Variants in NBEA observed in about 807,000 individuals in gnomAD.
NBEA encodes the protein neurobeachin.
NBEA carries 44 observed loss-of-function variants against 343.4 expected under a neutral mutation model. That is an observed-to-expected ratio of 0.13 (90% CI 0.10 to 0.16). The LOEUF (loss-of-function observed/expected upper bound fraction) is 0.16, where lower values mean the gene tolerates loss of function less well. Ranked by LOEUF, NBEA falls within the 10% of genes least tolerant of loss-of-function variation. The pLI, the probability that NBEA is intolerant of heterozygous loss-of-function variation, is 1.00. For synonymous variants in NBEA, 1,175 were observed against 1,238.7 expected (o/e 0.95, Z 1.08); for missense variants, 2,555 against 3,631.3 (o/e 0.70, Z 7.62).
At chr13:35,485,100 T>A (rs1006399688) in intron 41 of NBEA, among the ~76,000 whole-genome samples, 3 of 152,116 alleles carry the variant, frequency 2.0e-5, no homozygotes, top group Admixed American at 1.3e-4. Flanking sequence ...GGAATATTTT[T>A]AAATACATAT....
intron 10 of NBEA, among the ~76,000 whole-genome samples, chr13:35,092,354 A>G (rs768897715): frequency 5.9e-5 from 9 of 151,962 alleles, no homozygotes; most frequent in Non-Finnish European, 1.2e-4. Flanking sequence ...ATAATTCACT[A>G]AAAAAGGGAT....
chr13:35,595,535 A>G (rs192208209), intron 47 of NBEA, among the ~76,000 whole-genome samples: 1 of 152,114 alleles, frequency 6.6e-6, no homozygotes, highest in African/African-American at 2.4e-5. Flanking sequence ...CATATATACA[A>G]TAATTTATAT....
At chr13:34,969,311 GT>G (rs939251795) in intron 1 of NBEA, among the ~76,000 whole-genome samples, 17 of 148,582 alleles carry the variant, frequency 1.1e-4, no homozygotes, top group Non-Finnish European at 2.4e-4. Flanking sequence ...AAATTTTTTG[GT>G]TTTTAAAAAA....
chr13:35,111,039 T>A, intron 13 of NBEA, 61 bp downstream of exon 13: 1 of 1,400,914 alleles, frequency 7.1e-7, no homozygotes, highest in Non-Finnish European at 9.8e-7. Context: ...TTCTGAGTAC[T>A]GTTAAAGTGA....
intron 36 of NBEA, among the ~76,000 whole-genome samples, chr13:35,345,849 A>AT (rs900047250): frequency 6.6e-6 from 1 of 152,098 alleles, no homozygotes; most frequent in African/African-American, 2.4e-5. Context: ...ACTTATGGCC[A>AT]TTGGATTTAT....
rs78607126 is a variant in NBEA, at chr13:35,572,273, G to C, written c.7035+5256G>C. Among the ~76,000 whole-genome samples, 747 of 152,166 alleles carry C rather than the reference G, an allele frequency of 4.9e-3. 8 individuals carry two copies. Among genetic ancestry groups the C allele is most frequent in the African/African-American group, 0.017 (709 of 41,522 alleles). On this transcript the variant is annotated intron_variant, in intron 45 of 58. Coordinates refer to ENST00000379939, the MANE Select transcript of NBEA (RefSeq NM_001385012.1). The stretch of plus-strand genomic sequence containing the variant: ...ATGAACTCGACTCTTAAATTACAGT[G>C]GTTACATGACTTTGATGTGAAGCAC...
At chr13:34,975,647 C>T (rs1338800861) in intron 1 of NBEA, among the ~76,000 whole-genome samples, 1 of 151,988 alleles carries the variant, frequency 6.6e-6, no homozygotes, top group African/African-American at 2.4e-5. Flanking sequence ...AACAGAAAAC[C>T]CACAGAGTGG....
chr13:34,955,558 G>A (rs2059464617), intron 1 of NBEA, among the ~76,000 whole-genome samples: 1 of 152,060 alleles, frequency 6.6e-6, no homozygotes, highest in East Asian at 1.9e-4. Flanking sequence ...GATTAAAAGA[G>A]CAGGAAAAGA....
chr13:35,320,236 GTT>G (rs2038042003), intron 36 of NBEA, among the ~76,000 whole-genome samples: 1 of 152,164 alleles, frequency 6.6e-6, no homozygotes, highest in African/African-American at 2.4e-5. Flanking sequence ...GCTGGTACCA[GTT>G]TTTCTTTTCC....
intron 48 of NBEA, among the ~76,000 whole-genome samples, chr13:35,620,249 C>A (rs2082921463): frequency 6.6e-6 from 1 of 151,932 alleles, no homozygotes; most frequent in Admixed American, 6.6e-5. Context: ...TAGAAGGTGA[C>A]CGGTGGTAGA....
intron 55 of NBEA, among the ~76,000 whole-genome samples, chr13:35,656,513 T>G (rs2084820688): frequency 6.6e-6 from 1 of 152,334 alleles, no homozygotes; most frequent in South Asian, 2.1e-4. Flanking sequence ...AAGTTAGTTA[T>G]TAGTTGTTGG....
chr13:35,405,796 C>T (rs921808277), intron 38 of NBEA, among the ~76,000 whole-genome samples: 3 of 151,946 alleles, frequency 2.0e-5, no homozygotes, highest in African/African-American at 7.3e-5. Flanking sequence ...AAGCCTATTC[C>T]ATATAGCAGT....
In NBEA at chr13:35,260,662, C is replaced by T. The variant is rs753604482; in HGVS notation, c.5776+28043C>T. On this transcript the variant is annotated intron_variant, in intron 34 of 58. Coordinates refer to ENST00000379939, the MANE Select transcript of NBEA (RefSeq NM_001385012.1). The stretch of plus-strand genomic sequence containing the variant: ...AGCTTGAGAAATCTGCCTATAAGCC[C>T]CTTGAATCTTGAATTTTTTGAGATG... Among the ~76,000 whole-genome samples the T allele has an allele frequency of 6.6e-5, 10 of 152,256 alleles. No individual in the cohort carries two copies. The South Asian group carries it at 1.7e-3, about 25-fold the overall frequency.
chr13:35,488,594 A>G (rs529171139), intron 41 of NBEA, among the ~76,000 whole-genome samples: 1 of 152,114 alleles, frequency 6.6e-6, no homozygotes, highest in South Asian at 2.1e-4. Context: ...GTAGACTGTT[A>G]TAGGAATCAC....
intron 10 of NBEA, among the ~76,000 whole-genome samples, chr13:35,090,176 G>T (rs1296394534): frequency 6.6e-6 from 1 of 151,900 alleles, no homozygotes; most frequent in Non-Finnish European, 1.5e-5. Flanking sequence ...AAAGGTTTAT[G>T]TAGTGTTCCT....
chr13:35,401,838 G>A (rs989078697), intron 38 of NBEA, among the ~76,000 whole-genome samples: 8 of 151,976 alleles, frequency 5.3e-5, no homozygotes, highest in Middle Eastern at 3.2e-3. Context: ...AGTGAGTTGT[G>A]AAGTGTGTGC....
intron 38 of NBEA, among the ~76,000 whole-genome samples, chr13:35,419,013 A>G (rs2044118037): frequency 6.6e-6 from 1 of 152,020 alleles, no homozygotes; most frequent in South Asian, 2.1e-4. Context: ...TATACCTTAT[A>G]CACATAGCCT....
intron 38 of NBEA, among the ~76,000 whole-genome samples, chr13:35,403,219 ATAT>A (rs1479720478): frequency 6.6e-6 from 1 of 152,108 alleles, no homozygotes; most frequent in East Asian, 1.9e-4. Flanking sequence ...TTGTATTTAA[ATAT>A]TTTCTTTGAA....
intron 25 of NBEA, among the ~76,000 whole-genome samples, chr13:35,170,768 T>C (rs2070399508): frequency 6.6e-6 from 1 of 151,906 alleles, no homozygotes; most frequent in African/African-American, 2.4e-5. Flanking sequence ...GAAATTGTTA[T>C]GCATTCTAAT....
Sources: gnomAD v4.1 joint callset for allele counts (sites outside exome capture counted in the v4.1 genomes callset) on GRCh38, gnomAD v4.1.1 for gene constraint, MANE v1.5 for transcripts, NCBI Gene and HGNC (gene_info 2026-07-23, HGNC 2026-07-21) for gene names.